The following DPP6 variants were observed in gnomAD, a reference collection of about 807,000 sequenced individuals.
The protein encoded by DPP6 is A-type potassium channel modulatory protein DPP6.
Under a neutral mutation model 122.6 loss-of-function variants are expected in DPP6, and 69 were observed. The observed-to-expected ratio is 0.56, with a 90% confidence interval of 0.46 to 0.69. The LOEUF (loss-of-function observed/expected upper bound fraction) is 0.69, where lower values mean the gene tolerates loss of function less well. DPP6 is among the 30% of genes least tolerant of loss of function. DPP6 has a pLI of 0.00. For missense variants in DPP6, 928 were observed against 1,116.9 expected (o/e 0.83, Z 2.41); for synonymous variants, 418 against 433.1 (o/e 0.97, Z 0.43).
At chr7:153,815,419 C>T in the DPP6 span, among the ~76,000 whole-genome samples, 2 of 151,882 alleles carry the variant, frequency 1.3e-5, no homozygotes, top group African/African-American at 4.8e-5. Flanking sequence ...GCACAATGTG[C>T]AGGTTAGTTA....
intron 7 of DPP6, among the ~76,000 whole-genome samples, chr7:154,673,697 TAGGTA>T (rs979208995): frequency 6.6e-6 from 1 of 152,214 alleles, no homozygotes; most frequent in African/African-American, 2.4e-5. Context: ...TGAGAAATCC[TAGGTA>T]AAATGTTAAC....
At chr7:153,843,380 T>A in the DPP6 span, among the ~76,000 whole-genome samples, 2 of 152,188 alleles carry the variant, frequency 1.3e-5, no homozygotes, top group African/African-American at 4.8e-5. Context: ...CTCTCACAAC[T>A]ACTGAACTCT....
intron 8 of DPP6, among the ~76,000 whole-genome samples, chr7:154,751,752 C>T (rs1843403983): frequency 6.6e-6 from 1 of 152,130 alleles, no homozygotes; most frequent in South Asian, 2.1e-4. Context: ...CCTAGAGCAG[C>T]GCCCCCGAGG....
At chr7:154,573,271 G>A (rs1256810395) in intron 5 of DPP6, among the ~76,000 whole-genome samples, 2 of 152,154 alleles carry the variant, frequency 1.3e-5, no homozygotes, top group African/African-American at 4.8e-5. Context: ...ATTGCAGGGA[G>A]CTCTCTGTCT....
the DPP6 span, among the ~76,000 whole-genome samples, chr7:153,874,252 G>GCACACACACACACACACACACACA: frequency 1.3e-5 from 2 of 150,092 alleles, no homozygotes; most frequent in African/African-American, 4.9e-5. Flanking sequence ...GTGCGCACAT[G>GCACACACACACACACACACACACA]CACACACACA....
At chr7:154,693,567 T>TGG (rs1263787514) in intron 7 of DPP6, among the ~76,000 whole-genome samples, 2 of 152,126 alleles carry the variant, frequency 1.3e-5, no homozygotes, top group African/African-American at 4.8e-5. Context: ...GCCTCCCAGG[T>TGG]GGGTGGGAGG....
the DPP6 span, among the ~76,000 whole-genome samples, chr7:153,770,953 C>T: frequency 6.6e-6 from 1 of 152,066 alleles, no homozygotes; most frequent in Admixed American, 6.6e-5. Context: ...AGGAACAGAG[C>T]ATCCATGAGT....
chr7:154,383,064 C>A (rs929526388), intron 1 of DPP6, among the ~76,000 whole-genome samples: 4 of 152,114 alleles, frequency 2.6e-5, no homozygotes, highest in African/African-American at 9.7e-5. Flanking sequence ...CCAAAACATA[C>A]AGGAGGGAGA....
At chr7:154,884,342 C>T (rs1162159466) in intron 21 of DPP6, 1 of 127,150 alleles carries the variant, frequency 7.9e-6, no homozygotes, top group Admixed American at 7.6e-5. Flanking sequence ...TTACATACGC[C>T]TACTCACACA....
At position 154,053,686 on chromosome 7, in the gene DPP6, A is replaced by G. The variant is rs76002384; in HGVS notation, c.243+623A>G. Among the ~76,000 whole-genome samples the G allele has an allele frequency of 7.9e-3, 1,197 of 151,604 alleles. 9 individuals are homozygous for G. The highest frequency in any genetic ancestry group is 0.045 in the East Asian group (230 of 5,162). ...CATCTGAGCCCCAACCCTCTGTCCC[A>G]GGGCCCAGCTCTTTTGCTGAGAGCC... On this transcript the variant is annotated intron_variant, in intron 1 of 25. Coordinates refer to ENST00000377770, the MANE Select transcript of DPP6 (RefSeq NM_130797.4).
chr7:154,801,341 G>A lies in DPP6; in HGVS notation c.1300-14G>A, dbSNP rs781294741. ...TGTTTTAGTTGTGGTTTCATCCGTGGCCTTTGTCCACAGAATGAAGAACCT... is the reference window on the plus strand; with the variant it reads ...TGTTTTAGTTGTGGTTTCATCCGTGACCTTTGTCCACAGAATGAAGAACCT... On this transcript the variant is annotated splice_polypyrimidine_tract_variant and intron_variant, in intron 12 of 25. Coordinates refer to ENST00000377770, the MANE Select transcript of DPP6 (RefSeq NM_130797.4). The A allele has an allele frequency of 1.3e-6, 2 of 1,571,158 alleles. No homozygotes were observed. The highest frequency in any genetic ancestry group is 1.8e-5 in the Admixed American group (1 of 54,086).
At chr7:154,431,476 CTTTT>C in intron 1 of DPP6, among the ~76,000 whole-genome samples, 1 of 18,846 alleles carries the variant, frequency 5.3e-5, no homozygotes, top group South Asian at 1.1e-3. Flanking sequence ...CTTTTCTTTT[CTTTT>C]CTTTTCTTTT....
intron 1 of DPP6, among the ~76,000 whole-genome samples, chr7:153,928,571 C>T (rs1296096314): frequency 6.6e-6 from 1 of 151,568 alleles, no homozygotes; most frequent in East Asian, 1.9e-4. Context: ...AAGAGGGTGA[C>T]TTCTTGCTAT....
the DPP6 span, among the ~76,000 whole-genome samples, chr7:153,861,069 TC>T: frequency 6.6e-6 from 1 of 152,220 alleles, no homozygotes; most frequent in Non-Finnish European, 1.5e-5. Flanking sequence ...TGCTAAATGT[TC>T]CCAGTCAGTT....
intron 1 of DPP6, among the ~76,000 whole-genome samples, chr7:154,311,512 GAAAA>G (rs1806886537): frequency 1.3e-5 from 2 of 148,354 alleles, no homozygotes; most frequent in Non-Finnish European, 3.0e-5. Context: ...AAAAAAAAAA[GAAAA>G]AGAAAAAGAA....
At chr7:154,433,202 G>A (rs1210597684) in intron 1 of DPP6, among the ~76,000 whole-genome samples, 1 of 143,574 alleles carries the variant, frequency 7.0e-6, no homozygotes, top group African/African-American at 2.7e-5. Context: ...CTGGAGTGCA[G>A]TGGCACAATC....
intron 7 of DPP6, among the ~76,000 whole-genome samples, chr7:154,727,134 A>G (rs1283370251): frequency 6.6e-6 from 1 of 152,192 alleles, no homozygotes; most frequent in Non-Finnish European, 1.5e-5. Context: ...ACATTGCTCT[A>G]AAGAACTACC....
In DPP6 at chr7:154,624,599, G is replaced by T. The variant is rs566372505; in HGVS notation, c.628-13222G>T. On this transcript the variant is annotated intron_variant, in intron 5 of 25. Coordinates refer to ENST00000377770, the MANE Select transcript of DPP6 (RefSeq NM_130797.4). The surrounding 1 kb of genome is among the most constrained non-coding windows in gnomAD (Gnocchi z 4.7). ...AGTTGTCACCAGGCATTTGTTCAGG[G>T]CATGTGGGCACTAAGAGGATGACCC... 6.6e-6 allele frequency among the ~76,000 whole-genome samples: 1 copy of T among 152,166 alleles called. No individual in the cohort carries two copies. The highest frequency in any genetic ancestry group is 2.4e-5 in the African/African-American group (1 of 41,440).
At chr7:154,631,271 A>T (rs2130898226) in intron 5 of DPP6, among the ~76,000 whole-genome samples, 1 of 152,280 alleles carries the variant, frequency 6.6e-6, no homozygotes, top group East Asian at 1.9e-4. Flanking sequence ...AAGAGCCTGG[A>T]TGGAGGGGCA....
Sources: allele counts gnomAD v4.1 joint callset (sites outside exome capture counted in the v4.1 genomes callset), GRCh38; gene constraint gnomAD v4.1.1; non-coding constraint Gnocchi (gnomAD v3.1); transcripts MANE v1.5; gene names NCBI Gene and HGNC (gene_info 2026-07-23, HGNC 2026-07-21).